Variants in KLF12 observed in about 807,000 individuals in gnomAD.
The protein encoded by KLF12 is KLF transcription factor 12.
Under a neutral mutation model 37.8 loss-of-function variants are expected in KLF12, and 9 were observed. That is an observed-to-expected ratio of 0.24 (90% confidence interval 0.14 to 0.42). The LOEUF is 0.42. Among genes scored for constraint, KLF12 ranks in the 10% least tolerant of loss-of-function variants. The pLI is 1.00. For synonymous variants in KLF12, 208 were observed against 202.1 expected, an observed-to-expected ratio of 1.03 and a Z score of -0.25; for missense variants, 411 against 516.0, an observed-to-expected ratio of 0.80 and a Z score of 1.97.
chr13:73,853,976 C>A (rs879101791), intron 3 of KLF12, among the ~76,000 whole-genome samples: 1 of 152,136 alleles, frequency 6.6e-6, no homozygotes, highest in African/African-American at 2.4e-5. Flanking sequence ...AGTAGTATCA[C>A]TATAACAGGT....
chr13:74,241,023 C>T, the KLF12 span, among the ~76,000 whole-genome samples: 2 of 152,086 alleles, frequency 1.3e-5, no homozygotes, highest in South Asian at 4.2e-4. Context: ...AGGCGCTCTG[C>T]TTTTTAGAGT....
At chr13:74,288,722 C>G in the KLF12 span, among the ~76,000 whole-genome samples, 1 of 152,182 alleles carries the variant, frequency 6.6e-6, no homozygotes, top group South Asian at 2.1e-4. Context: ...CTCTAGACAA[C>G]TTGTTGGTGG....
At chr13:74,071,559 G>T (rs1013765715) in intron 1 of KLF12, among the ~76,000 whole-genome samples, 8 of 152,140 alleles carry the variant, frequency 5.3e-5, no homozygotes, top group Admixed American at 3.9e-4. Flanking sequence ...CGGGCGTGGT[G>T]GCAGGCGCCT....
chr13:73,738,715 G>C (rs910406855), intron 6 of KLF12, among the ~76,000 whole-genome samples: 18 of 152,122 alleles, frequency 1.2e-4, no homozygotes, highest in Non-Finnish European at 7.4e-5. Context: ...TAGGTGAAAT[G>C]TTATAAAGAA....
At chr13:73,839,212 G>A (rs1183149579) in intron 4 of KLF12, among the ~76,000 whole-genome samples, 3 of 150,826 alleles carry the variant, frequency 2.0e-5, no homozygotes, top group Admixed American at 2.0e-4. Context: ...CCCATCTCAG[G>A]CTCCTAAGTA....
At chr13:73,850,885 A>C (rs1336718123) in intron 3 of KLF12, among the ~76,000 whole-genome samples, 1 of 152,238 alleles carries the variant, frequency 6.6e-6, no homozygotes, top group Non-Finnish European at 1.5e-5. Context: ...TACATAGCTC[A>C]TGGCTTAACT....
intron 1 of KLF12, among the ~76,000 whole-genome samples, chr13:74,015,725 T>C (rs367664689): frequency 1.3e-5 from 2 of 152,202 alleles, no homozygotes; most frequent in Non-Finnish European, 2.9e-5. Flanking sequence ...TCTGGCTAAC[T>C]CCTACTTTGC....
At chr13:73,885,614 TAA>T (rs1566438029) in intron 3 of KLF12, among the ~76,000 whole-genome samples, 1 of 152,062 alleles carries the variant, frequency 6.6e-6, no homozygotes, top group Non-Finnish European at 1.5e-5. Context: ...AGATTTGAAA[TAA>T]GAGAGGAAGG....
At chr13:73,809,891 T>C (rs2325568) in intron 5 of KLF12, among the ~76,000 whole-genome samples, 51,075 of 151,854 alleles carry the variant, frequency 0.34, 8,960 homozygotes, top group East Asian at 0.64. Flanking sequence ...ATGATACACA[T>C]GCAACTTTTG....
At chr13:74,301,179 C>A in the KLF12 span, among the ~76,000 whole-genome samples, 1 of 152,178 alleles carries the variant, frequency 6.6e-6, no homozygotes. Context: ...AACAGTACAT[C>A]TAGAACAGTA....
intron 2 of KLF12, among the ~76,000 whole-genome samples, chr13:73,966,847 GCTAA>G (rs1236497932): frequency 6.6e-6 from 1 of 152,144 alleles, no homozygotes; most frequent in Non-Finnish European, 1.5e-5. Context: ...CTGACTTCTA[GCTAA>G]CTGACTTGTC....
At chr13:73,938,214 G>C (rs2139331038) in intron 3 of KLF12, among the ~76,000 whole-genome samples, 1 of 152,232 alleles carries the variant, frequency 6.6e-6, no homozygotes, top group East Asian at 1.9e-4. Context: ...AAGTAACACT[G>C]TCTTACTACG....
chr13:73,896,996 A>G (rs1394700830), intron 3 of KLF12, among the ~76,000 whole-genome samples: 2 of 152,176 alleles, frequency 1.3e-5, no homozygotes, highest in Admixed American at 1.3e-4. Flanking sequence ...AAGAGGCAAC[A>G]GGCCGGCAAA....
At chr13:74,222,899 A>G in the KLF12 span, among the ~76,000 whole-genome samples, 2 of 152,252 alleles carry the variant, frequency 1.3e-5, no homozygotes, top group African/African-American at 2.4e-5. Context: ...AACTCAAACA[A>G]TAGTGGAATG....
At chr13:73,788,310 G>C (rs1196081216) in intron 5 of KLF12, among the ~76,000 whole-genome samples, 2 of 152,186 alleles carry the variant, frequency 1.3e-5, no homozygotes, top group African/African-American at 4.8e-5. Flanking sequence ...TTACAGTAGG[G>C]AATCTGAGGA....
the KLF12 span, among the ~76,000 whole-genome samples, chr13:74,285,344 C>T: frequency 3.3e-5 from 5 of 152,022 alleles, no homozygotes; most frequent in Admixed American, 1.3e-4. Context: ...ATTAGTTAAG[C>T]GATTAGAGAA....
chr13:74,235,540 T>C, the KLF12 span, among the ~76,000 whole-genome samples: 1 of 152,334 alleles, frequency 6.6e-6, no homozygotes, highest in South Asian at 2.1e-4. Flanking sequence ...CTAAAATATG[T>C]ACATCTGCTG....
chr13:73,943,634 T>C (rs1890289250), intron 3 of KLF12, among the ~76,000 whole-genome samples: 1 of 152,214 alleles, frequency 6.6e-6, no homozygotes, highest in Non-Finnish European at 1.5e-5. Context: ...AACCAAACTA[T>C]GATGACACTG....
intron 5 of KLF12, among the ~76,000 whole-genome samples, chr13:73,803,423 T>A (rs993184534): frequency 3.9e-5 from 6 of 152,090 alleles, no homozygotes; most frequent in African/African-American, 1.4e-4. Context: ...TAAAATGTAA[T>A]CTTACCAGAG....
Sources: allele counts gnomAD v4.1 joint callset (sites outside exome capture counted in the v4.1 genomes callset), GRCh38; gene constraint gnomAD v4.1.1; transcripts MANE v1.5; gene names NCBI Gene and HGNC (gene_info 2026-07-23, HGNC 2026-07-21).